The following POC1B variants were observed in gnomAD, a reference collection of about 807,000 sequenced individuals.
The protein encoded by POC1B is POC1 centriolar protein homolog B.
In POC1B, 44 loss-of-function variants were observed where a neutral mutation model predicts 60.6. The ratio of observed to expected loss-of-function variants is 0.73; its 90% CI spans 0.57 to 0.93. POC1B has a LOEUF of 0.93. Among genes scored for constraint, POC1B ranks in the 40% least tolerant of loss-of-function variants. POC1B has a pLI of 0.00. For missense variants in POC1B, 555 were observed against 572.3 expected (o/e 0.97, Z 0.31); for synonymous variants, 180 against 198.9 (o/e 0.90, Z 0.80).
Position 89,471,647 on chromosome 12 carries a change from C to T in POC1B, c.643G>A (p.Val215Ile), listed in dbSNP as rs1272733079. Residue 215 changes from valine (V) to isoleucine (I), a missense_variant, in exon 6 of 12, where the codon GTA (valine) becomes ATA (isoleucine). Physicochemically the swap from Val to Ile is conservative, Grantham distance 29. Transcript: ENST00000313546. The stretch of plus-strand genomic sequence containing the variant: ...TGCTGTAGTAATTTGTTCACTCTTA[C>T]ATCCCAGACTTTCACAGTTTGATCA... ...GSDQTVKVWDVRVNKLLQHYQ... is the reference protein window; with the variant it reads ...GSDQTVKVWDIRVNKLLQHYQ... The T allele has an allele frequency of 3.7e-6, 6 of 1,611,874 alleles. No homozygotes were observed. The highest frequency in any genetic ancestry group is 1.6e-4 in the Middle Eastern group (1 of 6,076).
chr12:89,489,212 T>G (rs1868816394), intron 4 of POC1B, among the ~76,000 whole-genome samples: 1 of 152,214 alleles, frequency 6.6e-6, no homozygotes, highest in African/African-American at 2.4e-5. Context: ...CCGTTCTAAG[T>G]GCTATCCAGA....
At chr12:89,444,678 C>A (rs879514317) in intron 10 of POC1B, among the ~76,000 whole-genome samples, 1 of 152,126 alleles carries the variant, frequency 6.6e-6, no homozygotes, top group African/African-American at 2.4e-5. Context: ...TGGAAGCATT[C>A]CCTTTGAAAA....
chr12:89,501,290 G>T, intron 2 of POC1B: 2 of 1,032,716 alleles, frequency 1.9e-6, no homozygotes, highest in East Asian at 4.7e-5. Context: ...AATGACTGTA[G>T]ATCTACAAAA....
chr12:89,494,482 C>T (rs1057127689), intron 3 of POC1B, among the ~76,000 whole-genome samples: 3 of 152,156 alleles, frequency 2.0e-5, no homozygotes, highest in African/African-American at 7.2e-5. Context: ...TTTATTTCCC[C>T]TCCCTTTGAG....
At chr12:89,496,315 C>A (rs1406040608) in intron 3 of POC1B, among the ~76,000 whole-genome samples, 1 of 152,150 alleles carries the variant, frequency 6.6e-6, no homozygotes, top group East Asian at 1.9e-4. Context: ...TCCTAACAGG[C>A]CATGGACTGG....
intron 3 of POC1B, 116 bp from the exon 4 acceptor site, chr12:89,492,231 G>A (rs535151383): frequency 1.2e-5 from 10 of 850,026 alleles, no homozygotes; most frequent in African/African-American, 1.7e-5. Context: ...TTTAACTCTT[G>A]TAAAACCTAA....
intron 7 of POC1B, among the ~76,000 whole-genome samples, chr12:89,469,533 C>T (rs548164411): frequency 6.6e-6 from 1 of 152,270 alleles, no homozygotes; most frequent in South Asian, 2.1e-4. Flanking sequence ...GGGCAGGTCT[C>T]CCCACAAGGA....
chr12:89,430,248 C>T lies in POC1B; in HGVS notation c.1114-4869G>A, dbSNP rs58536064. Among the ~76,000 whole-genome samples the T allele has an allele frequency of 4.9e-3, 740 of 152,242 alleles. 3 individuals carry two copies. The highest frequency in any genetic ancestry group is 0.017 in the African/African-American group (691 of 41,546). On this transcript the variant is annotated intron_variant, in intron 10 of 11. Coordinates refer to ENST00000313546, the MANE Select transcript of POC1B (RefSeq NM_172240.3). ...GACTGATGCAAAGAACTACGAAAGT[C>T]CTGAGAACTGAATACAAAACATATC...
intron 2 of POC1B, chr12:89,501,762 T>A: frequency 1.0e-6 from 1 of 954,284 alleles, no homozygotes; most frequent in Non-Finnish European, 1.7e-6. Flanking sequence ...TACCACTGCA[T>A]CACAACAGTA....
chr12:89,417,387 TTC>T (rs1555215197), downstream of POC1B, among the ~76,000 whole-genome samples: 122 of 152,342 alleles, frequency 8.0e-4, no homozygotes, highest in Non-Finnish European at 1.3e-3. Context: ...TCCAAATATT[TTC>T]TGTCTTGCTT....
At chr12:89,501,838 A>G in intron 2 of POC1B, 1 of 1,202,876 alleles carries the variant, frequency 8.3e-7, no homozygotes, top group South Asian at 1.2e-5. Context: ...TATTCCACTT[A>G]AAAGGCAGAA....
chr12:89,510,014 T>C (rs1392130425), intron 2 of POC1B, among the ~76,000 whole-genome samples: 1 of 150,964 alleles, frequency 6.6e-6, no homozygotes, highest in Non-Finnish European at 1.5e-5. Flanking sequence ...CTCAGTTAAT[T>C]TTTTTTGTAT....
intron 10 of POC1B, among the ~76,000 whole-genome samples, chr12:89,440,765 G>A (rs1881477406): frequency 6.6e-6 from 1 of 152,202 alleles, no homozygotes; most frequent in South Asian, 2.1e-4. Context: ...CATTTCACTG[G>A]GGCTTGTCGG....
At chr12:89,451,439 C>CA (rs1338044218) in intron 10 of POC1B, among the ~76,000 whole-genome samples, 1 of 152,080 alleles carries the variant, frequency 6.6e-6, no homozygotes, top group Non-Finnish European at 1.5e-5. Flanking sequence ...TCTTCCATTG[C>CA]AAAAGTCAAT....
intron 4 of POC1B, among the ~76,000 whole-genome samples, chr12:89,481,380 C>A (rs1868362290): frequency 6.6e-6 from 1 of 152,122 alleles, no homozygotes; most frequent in Admixed American, 6.5e-5. Context: ...AGGAACTAGG[C>A]AAGAGACAGC....
chr12:89,507,178 G>A (rs967414371), intron 2 of POC1B, among the ~76,000 whole-genome samples: 6 of 150,244 alleles, frequency 4.0e-5, no homozygotes, highest in African/African-American at 1.5e-4. Context: ...TGGGGGTGGG[G>A]GAGGCTGAGG....
intron 2 of POC1B, among the ~76,000 whole-genome samples, chr12:89,504,601 T>TA (rs1555185813): frequency 2.1e-3 from 40 of 18,888 alleles, no homozygotes; most frequent in South Asian, 0.012. Flanking sequence ...GAATGATCAA[T>TA]AAAAAAAAAA....
intron 7 of POC1B, among the ~76,000 whole-genome samples, chr12:89,469,974 G>A (rs59788240): frequency 0.012 from 1,802 of 151,372 alleles, 35 homozygotes; most frequent in African/African-American, 0.042. Context: ...TTCAAGTGAT[G>A]CCCCTGCCTT....
chr12:89,525,295 C>T (rs1871355972), intron 1 of POC1B, 91 bp from the exon 2 acceptor site: 1 of 1,493,026 alleles, frequency 6.7e-7, no homozygotes, highest in Non-Finnish European at 8.9e-7. Context: ...CGGAGTCCGG[C>T]TTGGGAATGG....
Sources: gnomAD v4.1 joint callset for allele counts (sites outside exome capture counted in the v4.1 genomes callset) on GRCh38, gnomAD v4.1.1 for gene constraint, MANE v1.5 for transcripts, NCBI Gene and HGNC (gene_info 2026-07-23, HGNC 2026-07-21) for gene names.